Variants in MICU2 observed in about 807,000 individuals in gnomAD.
MICU2 encodes the protein calcium uptake protein 2, mitochondrial.
Under a neutral mutation model 60.4 loss-of-function variants are expected in MICU2, and 64 were observed. That is an observed-to-expected ratio of 1.06 (90% CI 0.87 to 1.31). MICU2 has a LOEUF of 1.31. MICU2 is among the 50% of genes most tolerant of loss of function. The pLI, the probability that MICU2 is intolerant of heterozygous loss-of-function variation, is 0.00. For synonymous variants in MICU2, 201 were observed against 175.0 expected (o/e 1.15, Z -1.17); for missense variants, 569 against 531.0 (o/e 1.07, Z -0.70).
chr13:21,566,879 C>T lies in MICU2; in HGVS notation c.276G>A (p.Gln92=). The T allele has an allele frequency of 1.2e-6, 2 of 1,612,972 alleles. No homozygotes were observed. Among genetic ancestry groups the T allele is most frequent in the Non-Finnish European group, 1.7e-6 (2 of 1,179,514 alleles). ...KPSLRKQRFM[Q]FSSLEHEGEY... ...CTCCTTCATGTTCGAGTGAAGAAAA[C>T]TGCATGAAGCGCTGCTTACGAAGAG... Residue 92 remains glutamine (Q), a synonymous_variant, in exon 2 of 12, where the codon CAG becomes CAA. Transcript: ENST00000382374.
intron 4 of MICU2, among the ~76,000 whole-genome samples, chr13:21,537,133 T>A (rs1019569528): frequency 1.8e-4 from 27 of 152,326 alleles, no homozygotes; most frequent in Admixed American, 1.5e-3. Flanking sequence ...ACTTTCTTTT[T>A]AAATTTTTCT....
chr13:21,551,099 T>C (rs1566157371), intron 2 of MICU2, among the ~76,000 whole-genome samples: 1 of 152,222 alleles, frequency 6.6e-6, no homozygotes, highest in South Asian at 2.1e-4. Flanking sequence ...TCAGCTTCCA[T>C]GGTCAACCAC....
At chr13:21,595,882 T>G (rs1281371299) in intron 1 of MICU2, among the ~76,000 whole-genome samples, 1 of 152,238 alleles carries the variant, frequency 6.6e-6, no homozygotes, top group African/African-American at 2.4e-5. Flanking sequence ...AGTAGCTACT[T>G]TTTGACACCT....
intron 2 of MICU2, 122 bp from the exon 3 acceptor site, chr13:21,539,810 G>C (rs1183755888): frequency 1.2e-5 from 11 of 915,568 alleles, no homozygotes; most frequent in African/African-American, 3.4e-5. Context: ...AAAAGCAAAG[G>C]CTTGTAATTT....
intron 1 of MICU2, among the ~76,000 whole-genome samples, chr13:21,593,414 A>G (rs1034448428): frequency 1.3e-5 from 2 of 152,042 alleles, no homozygotes; most frequent in Non-Finnish European, 2.9e-5. Flanking sequence ...GGAAGAATCA[A>G]TATTGTAAAA....
intron 2 of MICU2, among the ~76,000 whole-genome samples, chr13:21,560,320 C>T (rs963738326): frequency 1.5e-5 from 1 of 66,130 alleles, no homozygotes; most frequent in African/African-American, 4.1e-5. Flanking sequence ...TCCAACTGCA[C>T]TAGTACCATT....
In MICU2 at chr13:21,539,371, C is replaced by G. The variant is rs138571099; in HGVS notation, c.397G>C (p.Glu133Gln). The change falls in exon 4 of 12, where the codon GAG becomes CAG. Residue 133 changes from glutamate to glutamine, a missense_variant. Physicochemically the swap from Glu to Gln is conservative, Grantham distance 29. Coordinates refer to ENST00000382374, the MANE Select transcript of MICU2 (RefSeq NM_152726.3). ...GTTTGGATCCCTGACAGTGTATCCT[C>G]GATGTCCTTTGAATACACATATTAA... ...SVKKLTKKDI[E>Q]DTLSGIQTAG... 2 of 1,613,580 alleles carry G rather than the reference C, an allele frequency of 1.2e-6. No individual in the cohort carries two copies. The highest frequency in any genetic ancestry group is 3.3e-5 in the Admixed American group (2 of 59,964).
intron 4 of MICU2, among the ~76,000 whole-genome samples, chr13:21,536,220 A>G (rs1887127501): frequency 6.6e-6 from 1 of 152,134 alleles, no homozygotes. Context: ...ACAGAAATAG[A>G]TATTTATCAA....
At chr13:21,575,692 T>G (rs1888209513) in intron 1 of MICU2, among the ~76,000 whole-genome samples, 1 of 116,142 alleles carries the variant, frequency 8.6e-6, no homozygotes, top group African/African-American at 3.4e-5. Flanking sequence ...ATCGCACCAC[T>G]GCACTCCAGC....
intron 8 of MICU2, among the ~76,000 whole-genome samples, chr13:21,503,589 G>A (rs2138139019): frequency 6.6e-6 from 1 of 152,242 alleles, no homozygotes; most frequent in African/African-American, 2.4e-5. Flanking sequence ...CAAAAGCTTA[G>A]CTCTATCTAA....
chr13:21,494,368 TGA>T (rs1885938966), intron 11 of MICU2, among the ~76,000 whole-genome samples: 1 of 152,330 alleles, frequency 6.6e-6, no homozygotes, highest in East Asian at 1.9e-4. Context: ...ACTTCTTTTC[TGA>T]GAGTGCTTCT....
At chr13:21,531,263 TG>T in intron 4 of MICU2, 1 of 1,456,516 alleles carries the variant, frequency 6.9e-7, no homozygotes, top group Non-Finnish European at 9.6e-7. Context: ...GGAGATAGAT[TG>T]GAAGATCCCT....
chr13:21,535,330 A>T (rs983589815), intron 4 of MICU2, among the ~76,000 whole-genome samples: 3 of 152,166 alleles, frequency 2.0e-5, no homozygotes, highest in Non-Finnish European at 4.4e-5. Flanking sequence ...CAGGAAAAAA[A>T]CATCAAATAA....
At chr13:21,508,315 CG>C (rs1341362867) in intron 8 of MICU2, among the ~76,000 whole-genome samples, 3 of 151,870 alleles carry the variant, frequency 2.0e-5, no homozygotes, top group Non-Finnish European at 2.9e-5. Flanking sequence ...TTAGTAGAGA[CG>C]GGGTTTCACC....
chr13:21,540,122 A>G (rs982311428), intron 2 of MICU2, among the ~76,000 whole-genome samples: 2 of 152,204 alleles, frequency 1.3e-5, no homozygotes, highest in East Asian at 1.9e-4. Flanking sequence ...TCTTAGGCTT[A>G]TAACTCTCCA....
intron 2 of MICU2, among the ~76,000 whole-genome samples, chr13:21,548,824 G>T (rs1191940545): frequency 6.6e-6 from 1 of 151,888 alleles, no homozygotes; most frequent in African/African-American, 2.4e-5. Context: ...GAGGTAGATA[G>T]AAGGTGGGAG....
chr13:21,554,245 C>T (rs1332750966), intron 2 of MICU2, among the ~76,000 whole-genome samples: 1 of 152,202 alleles, frequency 6.6e-6, no homozygotes, highest in African/African-American at 2.4e-5. Context: ...TTCAGCACCA[C>T]ACCACATCTA....
At position 21,500,437 on chromosome 13, in the gene MICU2, T is replaced by G. The variant is rs913407139; in HGVS notation, c.933+2489A>C. Reference sequence around the variant, plus strand: ...TACTGATTTTTTTTTTTTTTTTTTTTTTTTTTTTTTTGAGACAGAGTCTCA... The same window carrying G: ...TACTGATTTTTTTTTTTTTTTTTTTGTTTTTTTTTTTGAGACAGAGTCTCA... On this transcript the variant is annotated intron_variant, in intron 9 of 11. Coordinates refer to ENST00000382374, the MANE Select transcript of MICU2 (RefSeq NM_152726.3). 6.8e-3 allele frequency among the ~76,000 whole-genome samples: 1,021 copies of G among 149,530 alleles called. 6 individuals are homozygous for G. Among genetic ancestry groups the G allele is most frequent in the African/African-American group, 0.023 (936 of 40,322 alleles).
intron 1 of MICU2, among the ~76,000 whole-genome samples, chr13:21,586,295 G>T (rs1375274502): frequency 6.6e-6 from 1 of 152,162 alleles, no homozygotes; most frequent in African/African-American, 2.4e-5. Flanking sequence ...GAAGGAAAAT[G>T]TAGAATTAGT....
Sources: allele counts gnomAD v4.1 joint callset (sites outside exome capture counted in the v4.1 genomes callset), GRCh38; gene constraint gnomAD v4.1.1; transcripts MANE v1.5; gene names NCBI Gene and HGNC (gene_info 2026-07-23, HGNC 2026-07-21).